SRSF11: variants seen among roughly 807,000 people sequenced by gnomAD.
SRSF11 encodes serine/arginine-rich splicing factor 11.
A neutral mutation model predicts 56.0 loss-of-function variants in SRSF11; 9 were observed. The observed-to-expected ratio is 0.16, with a 90% CI of 0.10 to 0.28. The LOEUF (loss-of-function observed/expected upper bound fraction) is 0.28, where lower values mean the gene tolerates loss of function less well. SRSF11 is among the 10% of genes least tolerant of loss of function. The pLI is 1.00. For synonymous variants in SRSF11, 222 were observed against 215.3 expected (o/e 1.03, Z -0.27); for missense variants, 421 against 600.7 (o/e 0.70, Z 3.13).
At chr1:70,241,822 A>G (rs537140975) in intron 7 of SRSF11, among the ~76,000 whole-genome samples, 9 of 152,296 alleles carry the variant, frequency 5.9e-5, no homozygotes, top group African/African-American at 2.2e-4. Context: ...AATAGGATAT[A>G]CCTCATGATT....
At chr1:70,217,540 A>C (rs1019134324), upstream of SRSF11, among the ~76,000 whole-genome samples, 23 of 152,026 alleles carry the variant, frequency 1.5e-4, no homozygotes, top group African/African-American at 5.6e-4. Context: ...TCCCTACTCT[A>C]TTTCCAGCAG....
chr1:70,250,455 T>C lies in SRSF11; in HGVS notation c.1209T>C (p.Asp403=), dbSNP rs776886300. 1.9e-6 allele frequency: 3 copies of C among 1,596,254 alleles called. No homozygotes were observed. Among genetic ancestry groups the C allele is most frequent in the East Asian group, 4.5e-5 (2 of 44,708 alleles). Residue 403 remains aspartate, a synonymous_variant, in exon 11 of 12, where the codon GAT becomes GAC. Transcript: ENST00000370949. The part of the protein sequence containing the change: ...RSTSKKKKSK[D]KEKDRERKSE... ...CAAGCAAGAAGAAGAAGAGTAAAGA[T>C]AAGGAAAAGGACCGGGAAAGAAAAT...
intron 10 of SRSF11, 101 bp downstream of exon 10, chr1:70,250,148 A>G: frequency 7.7e-7 from 1 of 1,306,632 alleles, no homozygotes; most frequent in Admixed American, 2.1e-5. Context: ...ACAGTTCTTA[A>G]GAATGTTTTA....
chr1:70,219,417 T>G (rs1215688330), upstream of SRSF11, among the ~76,000 whole-genome samples: 1 of 152,178 alleles, frequency 6.6e-6, no homozygotes, highest in African/African-American at 2.4e-5. Flanking sequence ...ATCTCTATAC[T>G]AATAATAATA....
chr1:70,237,677 A>C, intron 6 of SRSF11, 125 bp downstream of exon 6: 1 of 1,325,488 alleles, frequency 7.5e-7, no homozygotes, highest in Non-Finnish European at 1.0e-6. Context: ...AAAAGATTGT[A>C]TAGTGGAGTG....
intron 7 of SRSF11, among the ~76,000 whole-genome samples, chr1:70,244,129 A>T (rs145090659): frequency 1.1e-3 from 163 of 152,330 alleles, no homozygotes; most frequent in African/African-American, 3.6e-3. Flanking sequence ...AAGGAGTGGA[A>T]TTTGTTTCAG....
chr1:70,221,320 G>A (rs575772176), upstream of SRSF11: 294 of 360,284 alleles, frequency 8.2e-4, 1 homozygote, highest in African/African-American at 5.5e-3. Context: ...GGCCTGCGCG[G>A]GGTGGAGCCG....
At chr1:70,244,126 G>A (rs1676187075) in intron 7 of SRSF11, among the ~76,000 whole-genome samples, 1 of 152,086 alleles carries the variant, frequency 6.6e-6, no homozygotes, top group Non-Finnish European at 1.5e-5. Context: ...TTAAAGGAGT[G>A]GAATTTGTTT....
In SRSF11 at chr1:70,215,936, G is replaced by A. The variant is rs779356932; in HGVS notation, c.-25-5676G>A. ...CAAGTAGCTGGGATTACAGGCATGC[G>A]CCACCACGCGCGGCTGATTTTGTAT... On this transcript the variant is annotated intron_variant, in intron 1 of 12. Transcript: ENST00000370950. Among the ~76,000 whole-genome samples, 5 of 152,258 alleles carry A rather than the reference G, an allele frequency of 3.3e-5. No homozygotes were observed. The South Asian group carries it at 1.0e-3, about 32-fold the overall frequency.
At chr1:70,219,251 G>T (rs1670293475), upstream of SRSF11, among the ~76,000 whole-genome samples, 1 of 152,170 alleles carries the variant, frequency 6.6e-6, no homozygotes, top group African/African-American at 2.4e-5. Flanking sequence ...TACATTATAT[G>T]CAAATACAGT....
rs948229605 is a variant in SRSF11 at position 70,221,675 on chromosome 1, G to A, written c.39G>A (p.Pro13=). ...CCGTCGTCCCCAGCACTGCAGGTCC[G>A]GGCCCCAGCGGCGGGCCCGGTGGCG... ...NTTVVPSTAG[P]GPSGGPGGGG... is the part of the protein sequence containing the mutation. Residue 13 remains proline (P), a synonymous_variant, in exon 1 of 12, where the codon CCG becomes CCA. Coordinates refer to ENST00000370949, the MANE Select transcript of SRSF11 (RefSeq NM_001350605.2). 3 of 1,612,818 alleles carry A rather than the reference G, an allele frequency of 1.9e-6. No homozygotes were observed. The highest frequency in any genetic ancestry group is 2.5e-6 in the Non-Finnish European group (3 of 1,179,216).
At chr1:70,214,894 G>GTTT (rs34229824) in intron 1 of SRSF11, among the ~76,000 whole-genome samples, 55 of 125,908 alleles carry the variant, frequency 4.4e-4, no homozygotes, top group Non-Finnish European at 7.0e-4. Context: ...CTGCAGATAA[G>GTTT]TTTTTTTTTT....
intron 7 of SRSF11, among the ~76,000 whole-genome samples, chr1:70,241,566 C>T (rs1675399365): frequency 1.3e-5 from 2 of 152,144 alleles, no homozygotes; most frequent in African/African-American, 4.8e-5. Context: ...TTTCAGGGTT[C>T]TTTACTATTC....
At chr1:70,222,261 A>G (rs776928967) in intron 1 of SRSF11, among the ~76,000 whole-genome samples, 1 of 152,206 alleles carries the variant, frequency 6.6e-6, no homozygotes, top group Non-Finnish European at 1.5e-5. Context: ...TAAACTTTGT[A>G]GGTTGTTCAC....
chr1:70,206,020 C>G (rs1294471070), intron 1 of SRSF11, among the ~76,000 whole-genome samples: 1 of 152,190 alleles, frequency 6.6e-6, no homozygotes, highest in East Asian at 1.9e-4. Flanking sequence ...CGCCAGACCT[C>G]TGGCGTACGG....
At chr1:70,215,345 C>T (rs1409109702) in intron 1 of SRSF11, among the ~76,000 whole-genome samples, 1 of 152,184 alleles carries the variant, frequency 6.6e-6, no homozygotes, top group African/African-American at 2.4e-5. Flanking sequence ...GGAACAAATA[C>T]ATACCATCTT....
At chr1:70,229,833 T>C (rs1284529375) in intron 2 of SRSF11, 20 of 983,378 alleles carry the variant, frequency 2.0e-5, no homozygotes, top group Non-Finnish European at 2.3e-5. Flanking sequence ...TGTTATGTAA[T>C]AGTACCTCTG....
chr1:70,235,614 T>C, intron 5 of SRSF11, 64 bp downstream of exon 5: 1 of 1,479,984 alleles, frequency 6.8e-7, no homozygotes, highest in Middle Eastern at 1.8e-4. Context: ...AATTAGAGTT[T>C]TTTTGATAGC....
At chr1:70,217,578 G>T (rs370165159), upstream of SRSF11, among the ~76,000 whole-genome samples, 1 of 151,990 alleles carries the variant, frequency 6.6e-6, no homozygotes, top group African/African-American at 2.4e-5. Context: ...ACAGATTTAC[G>T]TACATAATAT....
Sources: allele counts gnomAD v4.1 joint callset (sites outside exome capture counted in the v4.1 genomes callset), GRCh38; gene constraint gnomAD v4.1.1; transcripts MANE v1.5; gene names NCBI Gene and HGNC (gene_info 2026-07-23, HGNC 2026-07-21).